The following PDS5B variants were observed in gnomAD, a reference collection of about 807,000 sequenced individuals.
PDS5B encodes sister chromatid cohesion protein PDS5 homolog B.
A neutral mutation model predicts 184.1 loss-of-function variants in PDS5B; 51 were observed. That is an observed-to-expected ratio of 0.28 (90% CI 0.22 to 0.35). The LOEUF is 0.35. Among genes scored for constraint, PDS5B ranks in the 10% least tolerant of loss-of-function variants. PDS5B has a pLI of 1.00. For synonymous variants in PDS5B, 566 were observed against 569.2 expected (o/e 0.99, Z 0.08); for missense variants, 1,180 against 1,723.3 (o/e 0.68, Z 5.58).
chr13:32,603,100 T>G lies in PDS5B; in HGVS notation c.-20+16507T>G, dbSNP rs181659891. ...CTGTGCAGAAGCTCTTTAGTTTAAT[T>G]AGATCCCATTTGTCAATTTTGGCAT... On this transcript the variant is annotated intron_variant, in intron 1 of 34. Transcript: ENST00000315596. 3.3e-3 allele frequency among the ~76,000 whole-genome samples: 498 copies of G among 152,356 alleles called. 2 individuals carry two copies. The highest frequency in any genetic ancestry group is 0.011 in the African/African-American group (469 of 41,592).
At position 32,629,760 on chromosome 13, in the gene PDS5B, C is replaced by T. The variant is rs539024923; in HGVS notation, c.-19-18994C>T. ...TCTGTGGCCATTTCCAGCCATATAA[C>T]CATGTAAGCAGGTATGATGTAGTTC... On this transcript the variant is annotated intron_variant, in intron 1 of 34. Transcript: ENST00000315596. Among the ~76,000 whole-genome samples, 6 of 152,252 alleles carry T rather than the reference C, an allele frequency of 3.9e-5. No individual in the cohort carries two copies. The South Asian group carries it at 1.0e-3, about 26-fold the overall frequency.
Position 32,764,528 on chromosome 13 carries a change from T to A in PDS5B, c.3558T>A (p.Asp1186Glu), listed in dbSNP as rs1474651926. 1 of 1,606,246 alleles carries A rather than the reference T, an allele frequency of 6.2e-7. No homozygotes were observed. The highest frequency in any genetic ancestry group is 1.7e-5 in the Admixed American group (1 of 59,380). ...SSEMDHSENEDYTMSSPLPGK... is the reference protein window; with the variant it reads ...SSEMDHSENEEYTMSSPLPGK... ...AAATGGATCACAGTGAAAATGAAGA[T>A]TACACAATGTCTTCACCTTTGCCGG... Residue 1186 changes from aspartate to glutamate, a missense_variant, in exon 31 of 35, where the codon GAT becomes GAA. Transcript: ENST00000315596.
chr13:32,705,458 A>G (rs938080304), intron 17 of PDS5B, among the ~76,000 whole-genome samples: 1 of 152,232 alleles, frequency 6.6e-6, no homozygotes, highest in African/African-American at 2.4e-5. Context: ...AGGGGACCCT[A>G]TAATGGGGAC....
chr13:32,699,906 C>T, intron 16 of PDS5B, 37 bp downstream of exon 16: 2 of 1,505,690 alleles, frequency 1.3e-6, no homozygotes, highest in Non-Finnish European at 1.8e-6. Context: ...GAAAAAGCCC[C>T]CAAATCTTCT....
At position 32,735,289 on chromosome 13, in the gene PDS5B, G is replaced by A; in HGVS notation, c.2365G>A (p.Val789Ile). Residue 789 changes from valine to isoleucine, a missense_variant, in exon 21 of 35, where the codon GTA (valine) becomes ATA (isoleucine). Physicochemically the swap from Val to Ile is conservative, Grantham distance 29. Around this residue, in one of 11 missense-constraint regions of PDS5B, gnomAD observed 475 missense variants for 691.5 expected, o/e 0.69. Coordinates refer to ENST00000315596, the MANE Select transcript of PDS5B (RefSeq NM_015032.4). ...ATTTGCTGCTCCTTTGAAATCTTTG[G>A]TAGCTACTTTCATTGTGAAAGATCT... ...DQFAAPLKSL[V>I]ATFIVKDLLM... The A allele has an allele frequency of 6.2e-7, 1 of 1,611,716 alleles. No individual in the cohort carries two copies. The highest frequency in any genetic ancestry group is 8.5e-7 in the Non-Finnish European group (1 of 1,178,582).
intron 1 of PDS5B, among the ~76,000 whole-genome samples, chr13:32,638,270 A>G (rs985452581): frequency 1.3e-5 from 2 of 152,216 alleles, no homozygotes; most frequent in Non-Finnish European, 2.9e-5. Context: ...CTCAGATTCT[A>G]GGTCTGAAAA....
chr13:32,717,527 T>G (rs1381211727), intron 19 of PDS5B, among the ~76,000 whole-genome samples: 1 of 137,132 alleles, frequency 7.3e-6, no homozygotes, highest in Non-Finnish European at 1.6e-5. Flanking sequence ...CTCCCTAATC[T>G]CAAGTACCCA....
At chr13:32,665,645 G>A (rs1950774169) in intron 6 of PDS5B, among the ~76,000 whole-genome samples, 2 of 139,894 alleles carry the variant, frequency 1.4e-5, no homozygotes, top group Non-Finnish European at 1.6e-5. Context: ...CCTCAAGATA[G>A]GAATGAATTT....
intron 1 of PDS5B, among the ~76,000 whole-genome samples, chr13:32,606,601 T>G (rs777959730): frequency 1.1e-4 from 16 of 152,332 alleles, no homozygotes; most frequent in Middle Eastern, 3.4e-3. Flanking sequence ...TTCCTGAATT[T>G]GAATGTTGGC....
intron 22 of PDS5B, among the ~76,000 whole-genome samples, chr13:32,741,816 G>T (rs1953568566): frequency 1.3e-5 from 2 of 151,498 alleles, no homozygotes; most frequent in African/African-American, 4.9e-5. Context: ...TAGTTTTGCA[G>T]ACTTGTACAA....
intron 11 of PDS5B, among the ~76,000 whole-genome samples, chr13:32,684,482 G>C (rs1465684162): frequency 2.0e-5 from 3 of 152,206 alleles, no homozygotes; most frequent in African/African-American, 7.2e-5. Flanking sequence ...AAACCCGATA[G>C]AGCACCATGC....
Position 32,678,829 on chromosome 13 carries a change from T to C in PDS5B, c.963-6T>C. The C allele has an allele frequency of 6.6e-7, 1 of 1,509,150 alleles. No homozygotes were observed. Among genetic ancestry groups the C allele is most frequent in the Non-Finnish European group, 9.2e-7 (1 of 1,084,750 alleles). The allele number at this position is 1,509,150 out of a possible 1,614,324, so 93.5% of individuals were successfully genotyped here. Reference sequence around the variant, plus strand: ...AAGCTCACTCTGTGCTTTTATATTTTATCAGGTTTAATGATATCCATGTAC... The same window carrying C: ...AAGCTCACTCTGTGCTTTTATATTTCATCAGGTTTAATGATATCCATGTAC... On this transcript the variant is annotated splice_region_variant and splice_polypyrimidine_tract_variant and intron_variant, in intron 9 of 34. Coordinates refer to ENST00000315596, the MANE Select transcript of PDS5B (RefSeq NM_015032.4).
intron 1 of PDS5B, among the ~76,000 whole-genome samples, chr13:32,590,379 C>T (rs942710553): frequency 2.0e-5 from 3 of 152,296 alleles, no homozygotes; most frequent in Admixed American, 6.5e-5. Context: ...GACACCCTGT[C>T]CTATAGAAGT....
Position 32,716,367 on chromosome 13 carries a change from G to A in PDS5B, c.2123+6261G>A, listed in dbSNP as rs867192986. ...GCCCGGCTGCGACCCCGTCTGGGAG[G>A]TGAGGAGTGTCTCTGCCCAGCCACC... is the stretch of plus-strand genomic sequence containing the variant. On this transcript the variant is annotated intron_variant, in intron 19 of 34. Transcript: ENST00000315596. Among the ~76,000 whole-genome samples the A allele has an allele frequency of 2.0e-5, 3 of 152,210 alleles. No individual in the cohort carries two copies. In the South Asian group the frequency reaches 6.2e-4, roughly 32 times the overall value.
chr13:32,705,079 T>A (rs1951969044), intron 17 of PDS5B, among the ~76,000 whole-genome samples: 1 of 152,190 alleles, frequency 6.6e-6, no homozygotes, highest in Admixed American at 6.5e-5. Context: ...TCCTCAGAAA[T>A]CCCTTTCCTA....
At chr13:32,758,743 A>G in intron 28 of PDS5B, 90 bp downstream of exon 28, 1 of 1,285,380 alleles carries the variant, frequency 7.8e-7, no homozygotes, top group Non-Finnish European at 1.1e-6. Context: ...TCATGGAAAA[A>G]TTGCTGTGAG....
At chr13:32,691,986 A>G (rs1319983933) in intron 13 of PDS5B, among the ~76,000 whole-genome samples, 1 of 149,620 alleles carries the variant, frequency 6.7e-6, no homozygotes, top group Non-Finnish European at 1.5e-5. Context: ...ACTCCCCACT[A>G]CTACGTATTG....
chr13:32,732,176 C>G lies in PDS5B; in HGVS notation c.2199C>G (p.Ile733Met). 1 of 1,608,552 alleles carries G rather than the reference C, an allele frequency of 6.2e-7. No homozygotes were observed. Among genetic ancestry groups the G allele is most frequent in the Non-Finnish European group, 8.5e-7 (1 of 1,175,904 alleles). ...PRQAKYAIHC[I>M]HAIFSSKETQ... The stretch of plus-strand genomic sequence containing the variant: ...AAGCCAAATATGCCATTCATTGTAT[C>G]CATGCGATATTTTCTAGTAAAGAGA... The change falls in exon 20 of 35, where the codon ATC becomes ATG. Residue 733 changes from isoleucine (I) to methionine (M), a missense_variant. This residue lies in a region of PDS5B where 475 missense variants were observed against 691.5 expected (regional missense o/e 0.69). Coordinates refer to ENST00000315596, the MANE Select transcript of PDS5B (RefSeq NM_015032.4).
At position 32,775,758 on chromosome 13, in the gene PDS5B, G is replaced by T; in HGVS notation, c.*706G>T. 2.5e-6 allele frequency: 1 copy of T among 394,060 alleles called. No individual in the cohort carries two copies. The highest frequency in any genetic ancestry group is 5.0e-6 in the Non-Finnish European group (1 of 198,884). The allele number at this position is 394,060 out of a possible 1,614,324, so 24.4% of individuals were successfully genotyped here. A position where few individuals can be genotyped will look rare whatever the true frequency, so the allele number is the denominator to read the frequency against. ...GTCCCAGAATTTTCTGGCCTTTCAT[G>T]GCAATGAAAATTTTAAGAAGAAAGA... On this transcript the variant is annotated 3_prime_UTR_variant, in exon 35 of 35. Transcript: ENST00000315596.
Sources: gnomAD v4.1 joint callset for allele counts (sites outside exome capture counted in the v4.1 genomes callset) on GRCh38, gnomAD v4.1.1 for gene constraint, gnomAD v4.1.1 regional missense constraint, MANE v1.5 for transcripts, NCBI Gene and HGNC (gene_info 2026-07-23, HGNC 2026-07-21) for gene names.